Variants in UGT2B11 observed in about 807,000 individuals in gnomAD.
UGT2B11 encodes UDP-glucuronosyltransferase 2B11.
A neutral mutation model predicts 51.7 loss-of-function variants in UGT2B11; 49 were observed. That is an observed-to-expected ratio of 0.95 (90% CI 0.75 to 1.20). The LOEUF is 1.20. Among genes scored for constraint, UGT2B11 ranks in the 50% most tolerant of loss-of-function variants. UGT2B11 has a pLI of 0.00. For synonymous variants in UGT2B11, 273 were observed against 209.0 expected (o/e 1.31, Z -2.64); for missense variants, 810 against 622.1 (o/e 1.30, Z -3.21).
rs180911982 is a variant in UGT2B11 at position 69,207,278 on chromosome 4, G to A, written c.1002+1073C>T. 6.0e-3 allele frequency among the ~76,000 whole-genome samples: 911 copies of A among 151,666 alleles called. 4 individuals are homozygous for A. The highest frequency in any genetic ancestry group is 9.0e-3 in the Non-Finnish European group (612 of 67,734). On this transcript the variant is annotated intron_variant, in intron 3 of 5. Transcript: ENST00000446444. ...AAGTTACTAATTTTGAAACTCCAAA[G>A]CAATCCTCACAAACTGAACAATAAT...
Position 69,200,202 on chromosome 4 carries a change from AT to A in UGT2B11, c.*237del. On this transcript the variant is annotated 3_prime_UTR_variant, in exon 6 of 6. Coordinates refer to ENST00000446444, the MANE Select transcript of UGT2B11 (RefSeq NM_001073.3). ...ATATGAGCTCAAATGGCTTTATATT[AT>A]TTTTTAATTTTCCTAGTATTTTCTT... 4.7e-6 allele frequency: 2 copies of A among 429,074 alleles called. No homozygotes were observed. Among genetic ancestry groups the A allele is most frequent in the Non-Finnish European group, 7.3e-6 (2 of 275,796 alleles). The allele number at this position is 429,074 out of a possible 1,614,324, so 26.6% of individuals were successfully genotyped here. A position where few individuals can be genotyped will look rare whatever the true frequency, so the allele number is the denominator to read the frequency against.
At chr4:69,215,224 TCA>T (rs1372490878), upstream of UGT2B11, 1 of 152,716 alleles carries the variant, frequency 6.5e-6, no homozygotes, top group Non-Finnish European at 1.5e-5. Context: ...AACGTAACAA[TCA>T]GTTTTATCTA....
At chr4:69,205,373 AG>A (rs1231836266) in intron 4 of UGT2B11, 106 bp downstream of exon 4, 1 of 1,436,644 alleles carries the variant, frequency 7.0e-7, no homozygotes, top group Non-Finnish European at 9.5e-7. Flanking sequence ...ATAAATACAA[AG>A]AAGTTCTTTT....
Position 69,214,462 on chromosome 4 carries a change from C to T in UGT2B11, c.261G>A (p.Glu87=), listed in dbSNP as rs1162663568. 2.5e-6 allele frequency: 4 copies of T among 1,613,242 alleles called. No homozygotes were observed. The highest frequency in any genetic ancestry group is 3.4e-6 in the Non-Finnish European group (4 of 1,179,514). ...YPTSLTKTEF[E]NIIMQQVKRW... ...TCTTAACCTGTTGCATGATGATATT[C>T]TCAAATTCAGTTTTAGTTAAAGATG... Residue 87 remains glutamate (E), a synonymous_variant, in exon 1 of 6, where the codon GAG becomes GAA. Transcript: ENST00000446444.
intron 5 of UGT2B11, among the ~76,000 whole-genome samples, chr4:69,202,474 T>C (rs1721695687): frequency 6.6e-6 from 1 of 151,734 alleles, no homozygotes; most frequent in Non-Finnish European, 1.5e-5. Flanking sequence ...TTGAATCTTT[T>C]ATATTTCGTA....
At position 69,202,214 on chromosome 4, in the gene UGT2B11, CTG is replaced by C. The variant is rs556400385; in HGVS notation, c.1311-1497_1311-1496del. Among the ~76,000 whole-genome samples, 951 of 151,770 alleles carry C rather than the reference CTG, an allele frequency of 6.3e-3. 8 individuals carry two copies. The highest frequency in any genetic ancestry group is 0.022 in the African/African-American group (908 of 41,480). On this transcript the variant is annotated intron_variant, in intron 5 of 5. Coordinates refer to ENST00000446444, the MANE Select transcript of UGT2B11 (RefSeq NM_001073.3). ...TTGGGTTGCTAACAATTTTTGGACA[CTG>C]TTGATAATTCTGTCACGAACACTCT...
intron 2 of UGT2B11, among the ~76,000 whole-genome samples, chr4:69,211,423 G>T (rs1722059627): frequency 6.6e-6 from 1 of 151,560 alleles, no homozygotes; most frequent in Non-Finnish European, 1.5e-5. Context: ...CTTTGCAAGA[G>T]AATATAACCT....
chr4:69,216,379 A>T (rs1180360760), upstream of UGT2B11: 1 of 152,052 alleles, frequency 6.6e-6, no homozygotes, highest in East Asian at 1.9e-4. Flanking sequence ...TTTCATAAAT[A>T]TGAAATCAAG....
At position 69,200,494 on chromosome 4, in the gene UGT2B11, A is replaced by G; in HGVS notation, c.1536T>C (p.Cys512=). The part of the protein sequence containing the change: ...ATVIFIITKF[C]LFCFWKFARK... ...TAGCAAACTTCCAGAAACAAAACAG[A>G]CAAAACTTTGTGATGATAAATATCA... Residue 512 remains cysteine (C), a synonymous_variant, in exon 6 of 6, where the codon TGT becomes TGC. Transcript: ENST00000446444. 2 of 1,612,092 alleles carry G rather than the reference A, an allele frequency of 1.2e-6. No individual in the cohort carries two copies. The highest frequency in any genetic ancestry group is 1.7e-6 in the Non-Finnish European group (2 of 1,178,824).
Position 69,212,611 on chromosome 4 carries a change from C to G in UGT2B11, c.832G>C (p.Gly278Arg), listed in dbSNP as rs1408928144. The change falls in exon 2 of 6, where the codon GGA (glycine) becomes CGA (arginine). Residue 278 changes from glycine (G) to arginine (R), a missense_variant. Gly to Arg is a moderately radical substitution (Grantham distance 125). Transcript: ENST00000446444. ...HPFLPNVDFVGGFHCKPAKPL... is the reference protein window; with the variant it reads ...HPFLPNVDFVRGFHCKPAKPL... ...TTGGCAGGTTTGCAGTGGAATCCTC[C>G]AACAAAATCAACGTTTGGTAAGAAT... The G allele has an allele frequency of 8.1e-6, 13 of 1,608,308 alleles. No homozygotes were observed. The highest frequency in any genetic ancestry group is 1.1e-5 in the Non-Finnish European group (13 of 1,176,864).
chr4:69,221,897 C>A, the UGT2B11 span, among the ~76,000 whole-genome samples: 1 of 152,238 alleles, frequency 6.6e-6, no homozygotes, highest in Non-Finnish European at 1.5e-5. Flanking sequence ...TGCTTCTGGT[C>A]CAGAGGTCCT....
At chr4:69,207,587 T>C (rs1462133919) in intron 3 of UGT2B11, among the ~76,000 whole-genome samples, 1 of 151,566 alleles carries the variant, frequency 6.6e-6, no homozygotes, top group African/African-American at 2.4e-5. Flanking sequence ...ATCTGGTAGT[T>C]AGTGCTGAGT....
the UGT2B11 span, among the ~76,000 whole-genome samples, chr4:69,219,850 C>G: frequency 6.6e-6 from 1 of 152,050 alleles, no homozygotes. Context: ...AGGGAACAGC[C>G]AAATCATATC....
chr4:69,223,695 T>C, the UGT2B11 span, among the ~76,000 whole-genome samples: 1 of 152,106 alleles, frequency 6.6e-6, no homozygotes, highest in African/African-American at 2.4e-5. Flanking sequence ...AAGGGGGTGG[T>C]GGATGTTCTC....
At chr4:69,209,541 G>A (rs1721981006) in intron 2 of UGT2B11, among the ~76,000 whole-genome samples, 1 of 151,338 alleles carries the variant, frequency 6.6e-6, no homozygotes, top group Non-Finnish European at 1.5e-5. Flanking sequence ...TAATCATTGG[G>A]GTAAAACTTT....
At chr4:69,215,803 G>T (rs904490848), upstream of UGT2B11, 1 of 151,932 alleles carries the variant, frequency 6.6e-6, no homozygotes, top group African/African-American at 2.4e-5. Flanking sequence ...AACCAAAAAA[G>T]TTATTTTTTA....
chr4:69,213,004 A>G (rs1722132686), intron 1 of UGT2B11, among the ~76,000 whole-genome samples: 1 of 151,476 alleles, frequency 6.6e-6, no homozygotes, highest in Non-Finnish European at 1.5e-5. Context: ...ATAATTAAAC[A>G]TCAATTTATT....
chr4:69,208,363 C>A lies in UGT2B11; in HGVS notation c.990G>T (p.Lys330Asn). The A allele has an allele frequency of 6.2e-7, 1 of 1,610,972 alleles. No individual in the cohort carries two copies. Among genetic ancestry groups the A allele is most frequent in the South Asian group, 1.1e-5 (1 of 90,962 alleles). The change falls in exon 3 of 6, where the codon AAG becomes AAT. Residue 330 changes from lysine to asparagine, a missense_variant. By Grantham distance (94) the Lys-to-Asn change is moderately conservative (BLOSUM62 0). Coordinates refer to ENST00000446444, the MANE Select transcript of UGT2B11 (RefSeq NM_001073.3). ...CCCTTTATCTTACCTTTTGTGGGAT[C>A]TTGGCAAGGGCTGTTGCAATTACAT... ...RANVIATALAKIPQKVLWRFD... is the reference protein window; with the variant it reads ...RANVIATALANIPQKVLWRFD...
intron 3 of UGT2B11, among the ~76,000 whole-genome samples, chr4:69,205,845 C>G (rs1019095888): frequency 6.6e-6 from 1 of 151,610 alleles, no homozygotes; most frequent in Non-Finnish European, 1.5e-5. Flanking sequence ...TAAAAGAAGA[C>G]CTACCTGCAG....
Sources: allele counts gnomAD v4.1 joint callset (sites outside exome capture counted in the v4.1 genomes callset), GRCh38; gene constraint gnomAD v4.1.1; transcripts MANE v1.5; gene names NCBI Gene and HGNC (gene_info 2026-07-23, HGNC 2026-07-21).